ABCC9: variants seen among roughly 807,000 people sequenced by gnomAD.
ABCC9 encodes the protein ATP binding cassette subfamily C member 9.
Under a neutral mutation model 188.3 loss-of-function variants are expected in ABCC9, and 95 were observed. That is an observed-to-expected ratio of 0.50 (90% CI 0.43 to 0.60). ABCC9 has a LOEUF of 0.60. ABCC9 is among the 20% of genes least tolerant of loss of function. ABCC9 has a pLI of 0.00. For missense variants in ABCC9, 1,102 were observed against 1,876.3 expected, an observed-to-expected ratio of 0.59 and a Z score of 7.62; for synonymous variants, 659 against 652.7, an observed-to-expected ratio of 1.01 and a Z score of -0.15.
At chr12:21,853,994 A>G (rs1459186313) in intron 22 of ABCC9, among the ~76,000 whole-genome samples, 4 of 152,206 alleles carry the variant, frequency 2.6e-5, no homozygotes, top group South Asian at 2.1e-4. Flanking sequence ...TAATATGCAA[A>G]CAAACTTCTA....
intron 16 of ABCC9, among the ~76,000 whole-genome samples, chr12:21,880,502 G>A (rs868454257): frequency 6.6e-6 from 1 of 152,140 alleles, no homozygotes; most frequent in Non-Finnish European, 1.5e-5. Context: ...GACTGTCAAA[G>A]TAGTACCAAA....
chr12:21,875,866 C>T (rs1217717163), intron 16 of ABCC9, 140 bp from the exon 17 acceptor site: 4 of 629,150 alleles, frequency 6.4e-6, no homozygotes, highest in Non-Finnish European at 1.1e-5. Flanking sequence ...AGGTGGATCA[C>T]AAGGTCAGGA....
At chr12:21,820,981 C>A (rs963972179) in intron 31 of ABCC9, among the ~76,000 whole-genome samples, 2 of 152,190 alleles carry the variant, frequency 1.3e-5, no homozygotes, top group Non-Finnish European at 2.9e-5. Context: ...CCATTATTAT[C>A]TCCAGCAATA....
rs947967254 is a variant in ABCC9 at position 21,812,302 on chromosome 12, G to A, written c.4103-145C>T. ...ATTTAAGCATGTGGTGATTCCTCAAGTATCTAGAACTAGAAACACCGTTTG... is the reference window on the plus strand; with the variant it reads ...ATTTAAGCATGTGGTGATTCCTCAAATATCTAGAACTAGAAACACCGTTTG... On this transcript the variant is annotated intron_variant, in intron 35 of 39. Transcript: ENST00000261200. 2.4e-5 allele frequency: 16 copies of A among 670,154 alleles called. No homozygotes were observed. In the East Asian group the frequency reaches 2.7e-4, roughly 11 times the overall value. 41.5% of individuals were successfully genotyped at this position (670,154 alleles called of 1,614,324 possible).
intron 28 of ABCC9, 100 bp downstream of exon 28, chr12:21,844,383 A>G: frequency 2.0e-6 from 2 of 996,242 alleles, no homozygotes; most frequent in Admixed American, 1.8e-5. Flanking sequence ...AAATTTCAGA[A>G]ATCCTCTATT....
In ABCC9 at chr12:21,800,634, A is replaced by T. The variant is rs139937898; in HGVS notation, c.*410T>A. ...AAACATGTCCTTTTTTATTCCTTCC[A>T]ATAACCTCTGGAGACTCCAACAATA... On this transcript the variant is annotated 3_prime_UTR_variant, in exon 40 of 40. Transcript: ENST00000261200. 4 of 159,872 alleles carry T rather than the reference A, an allele frequency of 2.5e-5. No homozygotes were observed. Among genetic ancestry groups the T allele is most frequent in the African/African-American group, 9.6e-5 (4 of 41,590 alleles). 9.9% of individuals were successfully genotyped at this position (159,872 alleles called of 1,614,324 possible).
intron 15 of ABCC9, 150 bp from the exon 16 acceptor site, chr12:21,883,023 A>C: frequency 1.5e-6 from 1 of 678,708 alleles, no homozygotes; most frequent in East Asian, 2.7e-5. Flanking sequence ...ATAAAAAAAA[A>C]TGAAAAATTC....
chr12:21,799,193 T>C lies in ABCC9; in HGVS notation c.*1851A>G, dbSNP rs853287. 2.7e-5 allele frequency: 4 copies of C among 147,644 alleles called. No individual in the cohort carries two copies. The highest frequency in any genetic ancestry group is 6.9e-5 in the Admixed American group (1 of 14,582). The allele number at this position is 147,644 out of a possible 1,614,324, so 9.1% of individuals were successfully genotyped here. On this transcript the variant is annotated 3_prime_UTR_variant, in exon 40 of 40. Coordinates refer to ENST00000261200, the MANE Select transcript of ABCC9 (RefSeq NM_020297.4). ...AGCGCACCAGCATGGCACATGTATA[T>C]ATATGTAACTAACCTGCACAATGTG...
intron 12 of ABCC9, among the ~76,000 whole-genome samples, chr12:21,898,288 T>C (rs1453009718): frequency 6.6e-6 from 1 of 152,240 alleles, no homozygotes; most frequent in Non-Finnish European, 1.5e-5. Context: ...TTTGTTGTTG[T>C]TGTTGTTATT....
intron 30 of ABCC9, among the ~76,000 whole-genome samples, chr12:21,836,979 G>A (rs772487301): frequency 1.3e-5 from 2 of 152,030 alleles, no homozygotes; most frequent in Non-Finnish European, 2.9e-5. Context: ...ATGAAAGGCC[G>A]TGTCTTTTTA....
At chr12:21,878,280 T>C (rs554621950) in intron 16 of ABCC9, among the ~76,000 whole-genome samples, 83 of 152,354 alleles carry the variant, frequency 5.4e-4, no homozygotes, top group African/African-American at 1.9e-3. Context: ...TTTAGAGTTA[T>C]GGCTATTCAG....
At chr12:21,843,504 T>A (rs1191215100) in intron 28 of ABCC9, among the ~76,000 whole-genome samples, 1 of 152,160 alleles carries the variant, frequency 6.6e-6, no homozygotes, top group African/African-American at 2.4e-5. Flanking sequence ...TCACATTAAG[T>A]TTATTTCTGT....
rs1418869836 is a variant in ABCC9, at chr12:21,800,859, A to G, written c.*185T>C. ...GCTGGATCACTATAAAAACATCAAT[A>G]ATGAACATATTAAGCAATAATATCT... On this transcript the variant is annotated 3_prime_UTR_variant, in exon 40 of 40. Transcript: ENST00000261200. 1.1e-5 allele frequency: 7 copies of G among 659,050 alleles called. No individual in the cohort carries two copies. The East Asian group carries it at 1.7e-4, about 16-fold the overall frequency. The allele number at this position is 659,050 out of a possible 1,614,324, so 40.8% of individuals were successfully genotyped here. A position where few individuals can be genotyped will look rare whatever the true frequency, so the allele number is the denominator to read the frequency against.
chr12:21,844,581 A>G (rs1565729638), intron 27 of ABCC9, 29 bp from the exon 28 acceptor site: 5 of 1,603,784 alleles, frequency 3.1e-6, no homozygotes, highest in East Asian at 2.2e-5. Context: ...GAAGTATATG[A>G]TAATACTAAA....
At chr12:21,830,278 A>G (rs937935200) in intron 30 of ABCC9, among the ~76,000 whole-genome samples, 3 of 152,186 alleles carry the variant, frequency 2.0e-5, no homozygotes, top group Non-Finnish European at 4.4e-5. Flanking sequence ...TTATTTCTCA[A>G]TTATTTTTCC....
intron 15 of ABCC9, among the ~76,000 whole-genome samples, chr12:21,886,312 A>G (rs1484817487): frequency 6.6e-6 from 1 of 152,056 alleles, no homozygotes; most frequent in Admixed American, 6.6e-5. Context: ...GTTAATGGCT[A>G]TATCATCTAC....
intron 12 of ABCC9, among the ~76,000 whole-genome samples, chr12:21,896,049 C>T (rs530268312): frequency 6.8e-6 from 1 of 147,996 alleles, no homozygotes; most frequent in Non-Finnish European, 1.5e-5. Flanking sequence ...AGCCAGGCAA[C>T]AGCAGAGTGA....
chr12:21,921,820 G>C (rs111653431), intron 5 of ABCC9, among the ~76,000 whole-genome samples: 17 of 151,994 alleles, frequency 1.1e-4, no homozygotes, highest in African/African-American at 3.9e-4. Context: ...ACCATTTATT[G>C]AAGTGACTGT....
rs781206225 is a variant in ABCC9, at chr12:21,910,225, C to T, written c.1252G>A (p.Ala418Thr). Reference protein sequence around the residue: ...MTLGQINNLVAIETNQLMWFL... With the variant: ...MTLGQINNLVTIETNQLMWFL... ...CACATGAGTTGATTAGTTTCAATGG[C>T]GACTAAGTTGTTGATCTGCCCCAGA... Residue 418 changes from alanine to threonine, a missense_variant, in exon 10 of 40, where the codon GCC (alanine) becomes ACC (threonine). Ala to Thr is a moderately conservative substitution (Grantham distance 58). Coordinates refer to ENST00000261200, the MANE Select transcript of ABCC9 (RefSeq NM_020297.4). 1 of 1,610,744 alleles carries T rather than the reference C, an allele frequency of 6.2e-7. No homozygotes were observed. The highest frequency in any genetic ancestry group is 8.5e-7 in the Non-Finnish European group (1 of 1,178,178).
Sources: allele counts gnomAD v4.1 joint callset (sites outside exome capture counted in the v4.1 genomes callset), GRCh38; gene constraint gnomAD v4.1.1; transcripts MANE v1.5; gene names NCBI Gene and HGNC (gene_info 2026-07-23, HGNC 2026-07-21).